AACS: variants seen among roughly 807,000 people sequenced by gnomAD.
The protein encoded by AACS is acetoacetate-CoA ligase.
A neutral mutation model predicts 83.1 loss-of-function variants in AACS; 69 were observed. The observed-to-expected ratio is 0.83, with a 90% CI of 0.68 to 1.01. AACS has a LOEUF of 1.01. Among genes scored for constraint, AACS ranks in the 50% least tolerant of loss-of-function variants. The pLI, the probability that AACS is intolerant of heterozygous loss-of-function variation, is 0.00. For missense variants in AACS, 866 were observed against 882.2 expected, an observed-to-expected ratio of 0.98 and a Z score of 0.23; for synonymous variants, 333 against 343.4, an observed-to-expected ratio of 0.97 and a Z score of 0.33.
Position 125,072,919 on chromosome 12 carries a change from GTTTTTTTTTTTTT to G in AACS, c.134-943_134-931del, listed in dbSNP as rs200182531. Among the ~76,000 whole-genome samples the G allele has an allele frequency of 6.6e-5, 6 of 90,416 alleles. No individual in the cohort carries two copies. The East Asian group carries it at 9.3e-4, about 14-fold the overall frequency. 59.3% of individuals were successfully genotyped at this position (90,416 alleles called of 152,430 possible). A position where few individuals can be genotyped will look rare whatever the true frequency, so the allele number is the denominator to read the frequency against. ...GGAGACCTTTTACCATGTAACTTTT[GTTTTTTTTTTTTT>G]TTTTTTTTTTTTTGAGATGGAGTTT... is the stretch of plus-strand genomic sequence containing the variant. On this transcript the variant is annotated intron_variant, in intron 1 of 17. Coordinates refer to ENST00000316519, the MANE Select transcript of AACS (RefSeq NM_023928.5).
intron 10 of AACS, chr12:125,121,406 AG>A (rs1314554378): frequency 1.3e-5 from 2 of 152,256 alleles, no homozygotes; most frequent in Non-Finnish European, 2.9e-5. Flanking sequence ...CATGCGGGGC[AG>A]GCACAGTCCT....
chr12:125,098,393 A>T (rs73421898), intron 5 of AACS, among the ~76,000 whole-genome samples: 5,229 of 134,924 alleles, frequency 0.039, 184 homozygotes, highest in East Asian at 0.095. Context: ...AACCCTGTCT[A>T]AAAAAAAAAA....
At chr12:125,115,800 C>T (rs1454020495) in intron 9 of AACS, among the ~76,000 whole-genome samples, 4 of 151,990 alleles carry the variant, frequency 2.6e-5, no homozygotes, top group African/African-American at 9.7e-5. Context: ...GGAGTGGGGA[C>T]AGACCCCTGG....
In AACS at chr12:125,097,559, G is replaced by A. The variant is rs1956634799; in HGVS notation, c.571-5120G>A. Among the ~76,000 whole-genome samples the A allele has an allele frequency of 6.6e-6, 1 of 152,170 alleles. No homozygotes were observed. Among genetic ancestry groups the A allele is most frequent in the Non-Finnish European group, 1.5e-5 (1 of 68,022 alleles). ...CTGAGGGGCAGAGGAAGTGGCGGGA[G>A]TAGAGAGAAGCTTGGCTTGGTCTGC... On this transcript the variant is annotated intron_variant, in intron 5 of 17. Transcript: ENST00000316519. The surrounding 1 kb of genome is among the most constrained non-coding windows in gnomAD (Gnocchi z 4.3).
chr12:125,125,140 C>T (rs549219706), intron 12 of AACS, 116 bp downstream of exon 12: 401 of 1,449,500 alleles, frequency 2.8e-4, no homozygotes, highest in Non-Finnish European at 3.3e-4. Flanking sequence ...GCAGCCAATA[C>T]GCACAGTCCC....
chr12:125,142,097 G>A lies in AACS; in HGVS notation c.1887G>A (p.Thr629=), dbSNP rs755311761. 1.3e-5 allele frequency: 21 copies of A among 1,613,860 alleles called. No individual in the cohort carries two copies. In the East Asian group the frequency reaches 2.2e-4, roughly 17 times the overall value. ...LILETKGIPY[T]LNGKKVEVAV... is the part of the protein sequence containing the mutation. ...TTTCTACCTTTCCCTCGCAGTATACGCTCAACGGCAAGAAAGTGGAAGTTG... is the reference window on the plus strand; with the variant it reads ...TTTCTACCTTTCCCTCGCAGTATACACTCAACGGCAAGAAAGTGGAAGTTG... Residue 629 remains threonine (T), a synonymous_variant, in exon 18 of 18, where the codon ACG becomes ACA. Coordinates refer to ENST00000316519, the MANE Select transcript of AACS (RefSeq NM_023928.5).
In AACS at chr12:125,129,402, C is replaced by T. The variant is rs764146118; in HGVS notation, c.1491C>T (p.His497=). The T allele has an allele frequency of 6.2e-7, 1 of 1,614,076 alleles. No individual in the cohort carries two copies. Among genetic ancestry groups the T allele is most frequent in the East Asian group, 2.2e-5 (1 of 44,860 alleles). Residue 497 remains histidine (H), a synonymous_variant, in exon 14 of 18, where the codon CAC becomes CAT. Transcript: ENST00000316519. This position sits in a 1 kb window ranked among gnomAD's most constrained non-coding sequence, Gnocchi z 4.3. The part of the protein sequence containing the change: ...CTKPIPCQPT[H]FWNDENGNKY... Reference sequence around the variant, plus strand: ...AGCCGATCCCTTGCCAGCCCACACACTTCTGGAACGATGAGAACGGCAACA... The same window carrying T: ...AGCCGATCCCTTGCCAGCCCACACATTTCTGGAACGATGAGAACGGCAACA...
At chr12:125,074,207 T>G (rs1955956268) in intron 2 of AACS, among the ~76,000 whole-genome samples, 1 of 152,190 alleles carries the variant, frequency 6.6e-6, no homozygotes. Flanking sequence ...CCTGGGAACT[T>G]GAGTGATCCT....
intron 4 of AACS, 70 bp from the exon 5 acceptor site, chr12:125,091,356 A>G (rs1956480770): frequency 1.3e-6 from 2 of 1,515,650 alleles, no homozygotes; most frequent in East Asian, 2.3e-5. Flanking sequence ...GCTCTCAGAG[A>G]AACCTTTTGG....
intron 7 of AACS, among the ~76,000 whole-genome samples, chr12:125,103,494 TAC>T (rs1304176081): frequency 2.6e-5 from 4 of 152,238 alleles, no homozygotes; most frequent in African/African-American, 7.2e-5. Flanking sequence ...CATGTGCATT[TAC>T]ACACGTGCAT....
At chr12:125,104,873 T>TA (rs973887128) in intron 7 of AACS, among the ~76,000 whole-genome samples, 13 of 152,154 alleles carry the variant, frequency 8.5e-5, no homozygotes, top group African/African-American at 3.1e-4. Flanking sequence ...TTAATTGGCT[T>TA]ATGGTTCTGC....
At position 125,129,166 on chromosome 12, in the gene AACS, G is replaced by A. The variant is rs1289972681; in HGVS notation, c.1424-169G>A. On this transcript the variant is annotated intron_variant, in intron 13 of 17. Coordinates refer to ENST00000316519, the MANE Select transcript of AACS (RefSeq NM_023928.5). This position sits in a 1 kb window ranked among gnomAD's most constrained non-coding sequence, Gnocchi z 4.3. ...ACAGGGAGGGGACTTCATCTGGGAG[G>A]AACGCATTATTAGGCTGCTGTGACA... 1.1e-6 allele frequency: 1 copy of A among 887,192 alleles called. No homozygotes were observed. Among genetic ancestry groups the A allele is most frequent in the Non-Finnish European group, 1.6e-6 (1 of 633,532 alleles). The allele number at this position is 887,192 out of a possible 1,614,324, so 55.0% of individuals were successfully genotyped here.
intron 7 of AACS, 116 bp downstream of exon 7, chr12:125,103,197 G>A (rs1254009327): frequency 3.5e-6 from 3 of 849,174 alleles, no homozygotes; most frequent in Non-Finnish European, 3.7e-6. Flanking sequence ...AAGTGGAGGA[G>A]GTTTTAGTTA....
intron 7 of AACS, chr12:125,105,250 C>CT (rs1275992680): frequency 1.3e-5 from 2 of 152,322 alleles, no homozygotes; most frequent in East Asian, 3.9e-4. Context: ...ATTAAATAAG[C>CT]TGCTGCTCTG....
rs1956567935 is a variant in AACS at position 125,094,837 on chromosome 12, T to C, written c.570+3314T>C. ...TAGGTCCTGAGTCTTTTGATGGCTT[T>C]GGGTTTTTTGTTTCACTGTTTACCT... is the stretch of plus-strand genomic sequence containing the variant. On this transcript the variant is annotated intron_variant, in intron 5 of 17. Transcript: ENST00000316519. This position sits in a 1 kb window ranked among gnomAD's most constrained non-coding sequence, Gnocchi z 4.1. Among the ~76,000 whole-genome samples, 1 of 152,218 alleles carries C rather than the reference T, an allele frequency of 6.6e-6. No individual in the cohort carries two copies. The highest frequency in any genetic ancestry group is 1.5e-5 in the Non-Finnish European group (1 of 68,034).
At chr12:125,076,454 A>T (rs374742376) in intron 2 of AACS, 37 bp from the exon 3 acceptor site, 57 of 1,608,996 alleles carry the variant, frequency 3.5e-5, no homozygotes, top group Non-Finnish European at 4.6e-5. Flanking sequence ...GCGTAGTCTC[A>T]TGTGTGTGCG....
chr12:125,124,832 A>G lies in AACS; in HGVS notation c.1186+63A>G, dbSNP rs554211559. On this transcript the variant is annotated intron_variant, in intron 11 of 17. Coordinates refer to ENST00000316519, the MANE Select transcript of AACS (RefSeq NM_023928.5). Reference sequence around the variant, plus strand: ...CAATCAAGGAAATTAAATCCATCCTATTTCCTGCTTGCGAGTGAGGCTTCA... The same window carrying G: ...CAATCAAGGAAATTAAATCCATCCTGTTTCCTGCTTGCGAGTGAGGCTTCA... The G allele has an allele frequency of 1.9e-5, 30 of 1,613,892 alleles. No homozygotes were observed. The South Asian group carries it at 3.3e-4, about 18-fold the overall frequency.
rs1194283341 is a variant in AACS at position 125,107,144 on chromosome 12, C to T, written c.791C>T (p.Ala264Val). The T allele has an allele frequency of 2.5e-6, 4 of 1,614,028 alleles. No homozygotes were observed. Among genetic ancestry groups the T allele is most frequent in the Non-Finnish European group, 3.4e-6 (4 of 1,180,036 alleles). The change falls in exon 8 of 18, where the codon GCC becomes GTC. Residue 264 changes from alanine to valine, a missense_variant. Transcript: ENST00000316519. ...AGTGTGTTTCTGGATGACTTTCTTG[C>T]CACCGGCACCAGTGAGCAGGCCCCG... is the stretch of plus-strand genomic sequence containing the variant. ...PNSVFLDDFL[A>V]TGTSEQAPQL...
intron 1 of AACS, among the ~76,000 whole-genome samples, chr12:125,072,157 C>CTTTT (rs1244336663): frequency 7.3e-6 from 1 of 136,514 alleles, no homozygotes; most frequent in Non-Finnish European, 1.6e-5. Flanking sequence ...GCTCCTGGCG[C>CTTTT]TTTTTTTTTT....
Sources: allele counts gnomAD v4.1 joint callset (sites outside exome capture counted in the v4.1 genomes callset), GRCh38; gene constraint gnomAD v4.1.1; non-coding constraint Gnocchi (gnomAD v3.1); transcripts MANE v1.5; gene names NCBI Gene and HGNC (gene_info 2026-07-23, HGNC 2026-07-21).